The following CATSPERB variants were observed in gnomAD, a reference collection of about 807,000 sequenced individuals.
CATSPERB encodes the protein cation channel sperm-associated auxiliary subunit beta.
In CATSPERB, 93 loss-of-function variants were observed where a neutral mutation model predicts 128.3. The observed-to-expected ratio is 0.72, with a 90% CI of 0.61 to 0.86. The LOEUF (loss-of-function observed/expected upper bound fraction) is 0.86. CATSPERB is among the 40% of genes least tolerant of loss of function. CATSPERB has a pLI of 0.00. For missense variants in CATSPERB, 1,153 were observed against 1,329.5 expected, an observed-to-expected ratio of 0.87 and a Z score of 2.06; for synonymous variants, 381 against 448.8, an observed-to-expected ratio of 0.85 and a Z score of 1.91.
At chr14:91,593,577 C>A (rs1194501716) in intron 22 of CATSPERB, among the ~76,000 whole-genome samples, 1 of 152,222 alleles carries the variant, frequency 6.6e-6, no homozygotes, top group Non-Finnish European at 1.5e-5. Context: ...TTTGGAATGG[C>A]TGTATTTACC....
chr14:91,664,716 T>A lies in CATSPERB; in HGVS notation c.1288-4735A>T, dbSNP rs150631041. 9.0e-3 allele frequency among the ~76,000 whole-genome samples: 1,363 copies of A among 152,286 alleles called. 16 individuals carry two copies. Among genetic ancestry groups the A allele is most frequent in the Middle Eastern group, 0.044 (13 of 294 alleles). ...TTTTGTAAGCTCTATTAGATTTACATCTGTTTTAGCTATTGTTAATCTGTT... is the reference window on the plus strand; with the variant it reads ...TTTTGTAAGCTCTATTAGATTTACAACTGTTTTAGCTATTGTTAATCTGTT... On this transcript the variant is annotated intron_variant, in intron 14 of 26. Coordinates refer to ENST00000256343, the MANE Select transcript of CATSPERB (RefSeq NM_024764.4).
chr14:91,631,105 C>T (rs1014132707), intron 17 of CATSPERB, among the ~76,000 whole-genome samples: 1 of 152,214 alleles, frequency 6.6e-6, no homozygotes, highest in Admixed American at 6.5e-5. Context: ...CTTCAAAGCA[C>T]ATGTTAGATA....
At chr14:91,674,019 A>G (rs888358473) in intron 12 of CATSPERB, among the ~76,000 whole-genome samples, 157 bp downstream of exon 12, 1 of 152,192 alleles carries the variant, frequency 6.6e-6, no homozygotes, top group Non-Finnish European at 1.5e-5. Flanking sequence ...TAATTAGGTA[A>G]GTACTAATAA....
intron 5 of CATSPERB, chr14:91,710,479 A>G (rs12883757): frequency 0.5 from 76,660 of 151,936 alleles, 20,038 homozygotes; most frequent in Admixed American, 0.58. Context: ...TCTCTTATTT[A>G]AAGGCTGTTT....
chr14:91,717,025 A>G (rs1895955122), intron 5 of CATSPERB, among the ~76,000 whole-genome samples: 1 of 152,188 alleles, frequency 6.6e-6, no homozygotes, highest in African/African-American at 2.4e-5. Flanking sequence ...AAAATTAACT[A>G]TCCACACCAA....
chr14:91,714,761 C>T (rs552918726), intron 5 of CATSPERB, among the ~76,000 whole-genome samples: 23 of 151,876 alleles, frequency 1.5e-4, no homozygotes, highest in African/African-American at 4.8e-4. Context: ...GGTTTCGCCA[C>T]GTTGGCCAGG....
intron 22 of CATSPERB, among the ~76,000 whole-genome samples, chr14:91,593,352 A>T (rs1238953929): frequency 1.3e-5 from 2 of 152,202 alleles, no homozygotes. Flanking sequence ...AAAGCTGCAG[A>T]CACTCAACAT....
At chr14:91,663,811 C>G (rs1894930732) in intron 14 of CATSPERB, among the ~76,000 whole-genome samples, 1 of 151,966 alleles carries the variant, frequency 6.6e-6, no homozygotes, top group East Asian at 1.9e-4. Flanking sequence ...TAAACTTTAT[C>G]ATGTTATCCA....
chr14:91,587,080 T>A, intron 26 of CATSPERB, 122 bp downstream of exon 26: 1 of 692,706 alleles, frequency 1.4e-6, no homozygotes. Flanking sequence ...GGATCCCCTG[T>A]CTTTAAGCCT....
chr14:91,608,431 T>C lies in CATSPERB; in HGVS notation c.2599-27A>G, dbSNP rs764765276. The C allele has an allele frequency of 5.7e-6, 7 of 1,224,892 alleles. No individual in the cohort carries two copies. The African/African-American group carries it at 1.0e-4, about 18-fold the overall frequency. 75.9% of individuals were successfully genotyped at this position (1,224,892 alleles called of 1,614,324 possible). A position where few individuals can be genotyped will look rare whatever the true frequency, so the allele number is the denominator to read the frequency against. On this transcript the variant is annotated intron_variant, in intron 21 of 26. Coordinates refer to ENST00000256343, the MANE Select transcript of CATSPERB (RefSeq NM_024764.4). ...TGCAAGTGATTAAACAAAGAAAATGTACAATTCATTATTATGAAGTCTTTA... is the reference window on the plus strand; with the variant it reads ...TGCAAGTGATTAAACAAAGAAAATGCACAATTCATTATTATGAAGTCTTTA...
At chr14:91,703,587 G>A (rs1895687465) in intron 7 of CATSPERB, among the ~76,000 whole-genome samples, 1 of 152,192 alleles carries the variant, frequency 6.6e-6, no homozygotes, top group African/African-American at 2.4e-5. Context: ...TGGGGAGGGT[G>A]TGGAGACTGA....
intron 20 of CATSPERB, among the ~76,000 whole-genome samples, chr14:91,612,073 T>C (rs912189657): frequency 1.4e-5 from 2 of 143,238 alleles, no homozygotes; most frequent in African/African-American, 2.5e-5. Flanking sequence ...TCTTCCTTTT[T>C]TTAAGAGATG....
intron 5 of CATSPERB, among the ~76,000 whole-genome samples, chr14:91,714,175 A>C (rs1233351775): frequency 6.6e-6 from 1 of 151,888 alleles, no homozygotes; most frequent in Non-Finnish European, 1.5e-5. Flanking sequence ...TATGTAAAAC[A>C]TGAATGTTTT....
intron 11 of CATSPERB, among the ~76,000 whole-genome samples, chr14:91,675,243 T>C: frequency 6.6e-6 from 1 of 152,246 alleles, no homozygotes; most frequent in East Asian, 1.9e-4. Flanking sequence ...GAATATTAGC[T>C]GCTGATGGCT....
At position 91,580,884 on chromosome 14, in the gene CATSPERB, T is replaced by G; in HGVS notation, c.*5A>C. On this transcript the variant is annotated 3_prime_UTR_variant, in exon 27 of 27. Coordinates refer to ENST00000256343, the MANE Select transcript of CATSPERB (RefSeq NM_024764.4). ...AAATAAAGAGAAATTATGATCACCA[T>G]GTGTTCACTCTTCAGACTTTGATCT... is the stretch of plus-strand genomic sequence containing the variant. 6.2e-7 allele frequency: 1 copy of G among 1,606,102 alleles called. No individual in the cohort carries two copies. The highest frequency in any genetic ancestry group is 8.5e-7 in the Non-Finnish European group (1 of 1,172,826).
At chr14:91,702,707 A>ACAC (rs1555364571) in intron 7 of CATSPERB, among the ~76,000 whole-genome samples, 7 of 76,144 alleles carry the variant, frequency 9.2e-5, no homozygotes, top group African/African-American at 3.2e-4. Flanking sequence ...CACACACACA[A>ACAC]ACCAAAAACA....
At chr14:91,622,373 G>T (rs375598875) in intron 18 of CATSPERB, among the ~76,000 whole-genome samples, 1 of 152,152 alleles carries the variant, frequency 6.6e-6, no homozygotes, top group South Asian at 2.1e-4. Context: ...GAGTGATTGA[G>T]TATTTAAGGA....
At chr14:91,638,360 G>T (rs1042078168) in intron 16 of CATSPERB, among the ~76,000 whole-genome samples, 2 of 150,768 alleles carry the variant, frequency 1.3e-5, no homozygotes, top group African/African-American at 4.9e-5. Flanking sequence ...AGGGAGAAGG[G>T]TTAATAGGAA....
At chr14:91,618,000 C>G (rs912245154) in intron 19 of CATSPERB, among the ~76,000 whole-genome samples, 2 of 152,174 alleles carry the variant, frequency 1.3e-5, no homozygotes, top group African/African-American at 4.8e-5. Flanking sequence ...AAAGTGAAAG[C>G]AAGTTTATTA....
Sources: allele counts gnomAD v4.1 joint callset (sites outside exome capture counted in the v4.1 genomes callset), GRCh38; gene constraint gnomAD v4.1.1; transcripts MANE v1.5; gene names NCBI Gene and HGNC (gene_info 2026-07-23, HGNC 2026-07-21).